GALK2: variants seen among roughly 807,000 people sequenced by gnomAD.
GALK2 encodes N-acetylgalactosamine kinase.
Under a neutral mutation model 52.4 loss-of-function variants are expected in GALK2, and 36 were observed. The observed-to-expected ratio is 0.69, with a 90% CI of 0.53 to 0.91. The LOEUF is 0.91. Ranked by LOEUF, GALK2 falls within the 40% of genes least tolerant of loss-of-function variation. The probability of loss-of-function intolerance (pLI) is 0.00; values close to 1 mark genes in which losing one functional copy is unlikely to be tolerated. For missense variants in GALK2, 579 were observed against 559.1 expected (o/e 1.04, Z -0.36); for synonymous variants, 176 against 199.1 (o/e 0.88, Z 0.98).
At chr15:49,201,304 A>C in intron 2 of GALK2, 54 bp downstream of exon 2, 1 of 893,122 alleles carries the variant, frequency 1.1e-6, no homozygotes, top group Non-Finnish European at 1.8e-6. Context: ...GATAAGATCT[A>C]AATTTTTAAA....
intron 1 of GALK2, among the ~76,000 whole-genome samples, chr15:49,183,914 T>C (rs1172536883): frequency 6.6e-6 from 1 of 152,030 alleles, no homozygotes; most frequent in Non-Finnish European, 1.5e-5. Context: ...ATGAACCATG[T>C]GCTGAGGAGA....
chr15:49,330,435 A>T lies in GALK2; in HGVS notation c.*2276A>T, dbSNP rs1262319142. 6.6e-6 allele frequency: 1 copy of T among 152,228 alleles called. No homozygotes were observed. 9.4% of individuals were successfully genotyped at this position (152,228 alleles called of 1,614,324 possible). On this transcript the variant is annotated 3_prime_UTR_variant, in exon 10 of 10. Transcript: ENST00000560031. ...CAGGAGATTGTACAAGCAGTATCAGATATTCTGGATTACTCAGAATCTGGA... is the reference window on the plus strand; with the variant it reads ...CAGGAGATTGTACAAGCAGTATCAGTTATTCTGGATTACTCAGAATCTGGA...
chr15:49,164,695 C>T (rs989805131), intron 1 of GALK2, among the ~76,000 whole-genome samples: 8 of 137,332 alleles, frequency 5.8e-5, no homozygotes, highest in South Asian at 2.4e-4. Context: ...GCAGGAGAAT[C>T]GCTTGAACCC....
chr15:49,177,211 T>C (rs2085530006), intron 1 of GALK2, among the ~76,000 whole-genome samples: 1 of 152,094 alleles, frequency 6.6e-6, no homozygotes, highest in Non-Finnish European at 1.5e-5. Context: ...TAAATTTTGC[T>C]TTTATCTGTT....
downstream of GALK2, among the ~76,000 whole-genome samples, chr15:49,336,019 T>C (rs1427141893): frequency 1.3e-5 from 2 of 152,140 alleles, no homozygotes; most frequent in Non-Finnish European, 2.9e-5. Context: ...CAGACTGGTC[T>C]TGAACTTCAA....
chr15:49,293,199 C>T (rs2034118056), intron 8 of GALK2, among the ~76,000 whole-genome samples: 1 of 152,162 alleles, frequency 6.6e-6, no homozygotes, highest in African/African-American at 2.4e-5. Context: ...AAACATCAGC[C>T]TCAGGGACCC....
chr15:49,292,228 A>G (rs1035759910), intron 7 of GALK2, 99 bp from the exon 8 acceptor site: 26 of 1,118,470 alleles, frequency 2.3e-5, no homozygotes, highest in Non-Finnish European at 3.0e-5. Context: ...GAAAACAACA[A>G]CAAAACAAAA....
Position 49,192,485 on chromosome 15 carries a change from G to GTATATATATGTATATATATATATATATA in GALK2, c.54-8668_54-8667insGTATATATATATATATATATATATATAT, listed in dbSNP as rs1555400548. Among the ~76,000 whole-genome samples the GTATATATATGTATATATATATATATATA allele has an allele frequency of 6.8e-5, 7 of 102,970 alleles. 1 individual carries two copies. The highest frequency in any genetic ancestry group is 2.1e-4 in the Admixed American group (2 of 9,648). 67.6% of individuals were successfully genotyped at this position (102,970 alleles called of 152,430 possible). ...TCTGCAATGAATATTATATATATAT[G>GTATATATATGTATATATATATATATATA]TATATATATATATATATATATATAT... On this transcript the variant is annotated intron_variant, in intron 1 of 9. Coordinates refer to ENST00000560031, the MANE Select transcript of GALK2 (RefSeq NM_002044.4).
At chr15:49,246,968 G>A (rs761348357) in intron 5 of GALK2, among the ~76,000 whole-genome samples, 5 of 152,086 alleles carry the variant, frequency 3.3e-5, no homozygotes, top group Admixed American at 6.6e-5. Flanking sequence ...CAGAAGTGAT[G>A]GTATGAGAAA....
intron 4 of GALK2, among the ~76,000 whole-genome samples, chr15:49,238,738 G>A (rs566806802): frequency 6.6e-6 from 1 of 152,036 alleles, no homozygotes; most frequent in Non-Finnish European, 1.5e-5. Context: ...TCTAAAGTAA[G>A]GCACTCCTTA....
intron 1 of GALK2, among the ~76,000 whole-genome samples, chr15:49,160,267 T>G (rs1380215916): frequency 6.6e-6 from 1 of 151,234 alleles, no homozygotes. Flanking sequence ...AGAGTGAGAG[T>G]TTGTCTCAAA....
chr15:49,226,962 A>C (rs1335266628), intron 3 of GALK2, among the ~76,000 whole-genome samples: 1 of 152,168 alleles, frequency 6.6e-6, no homozygotes, highest in Non-Finnish European at 1.5e-5. Flanking sequence ...CACACTGTCT[A>C]GTTTTATTCT....
At position 49,192,485 on chromosome 15, in the gene GALK2, G is replaced by GTATATATATA. The variant is rs58230206; in HGVS notation, c.54-8646_54-8637dup. On this transcript the variant is annotated intron_variant, in intron 1 of 9. Coordinates refer to ENST00000560031, the MANE Select transcript of GALK2 (RefSeq NM_002044.4). The stretch of plus-strand genomic sequence containing the variant: ...TCTGCAATGAATATTATATATATAT[G>GTATATATATA]TATATATATATATATATATATATAT... Among the ~76,000 whole-genome samples the GTATATATATA allele has an allele frequency of 3.3e-3, 342 of 102,912 alleles. 14 individuals carry two copies. Among genetic ancestry groups the GTATATATATA allele is most frequent in the Middle Eastern group, 0.01 (2 of 196 alleles). 67.5% of individuals were successfully genotyped at this position (102,912 alleles called of 152,430 possible).
intron 7 of GALK2, among the ~76,000 whole-genome samples, chr15:49,291,885 T>C (rs960225413): frequency 6.6e-6 from 1 of 152,194 alleles, no homozygotes; most frequent in Non-Finnish European, 1.5e-5. Flanking sequence ...AAACAGGAAG[T>C]ACCCTAATTG....
chr15:49,182,525 C>G (rs935401941), intron 1 of GALK2, among the ~76,000 whole-genome samples: 1 of 152,082 alleles, frequency 6.6e-6, no homozygotes, highest in African/African-American at 2.4e-5. Context: ...ATTCCTGGAT[C>G]ATAAGGTAGT....
intron 8 of GALK2, among the ~76,000 whole-genome samples, chr15:49,316,333 G>GA: frequency 1.2e-5 from 1 of 83,096 alleles, no homozygotes; most frequent in South Asian, 4.1e-4. Flanking sequence ...TGCTGTGGAG[G>GA]GGAAAAATGA....
At chr15:49,333,055 G>A (rs2039078071), downstream of GALK2, among the ~76,000 whole-genome samples, 1 of 151,978 alleles carries the variant, frequency 6.6e-6, no homozygotes, top group Admixed American at 6.5e-5. Flanking sequence ...TCCTTGAACT[G>A]CACAGTATCC....
At chr15:49,279,345 CTT>C (rs1284706126) in intron 5 of GALK2, among the ~76,000 whole-genome samples, 1 of 152,148 alleles carries the variant, frequency 6.6e-6, no homozygotes, top group Non-Finnish European at 1.5e-5. Flanking sequence ...GTTTTTTCCT[CTT>C]AAGAGGGAGG....
chr15:49,184,622 G>C (rs1001771613), intron 1 of GALK2, among the ~76,000 whole-genome samples: 1 of 151,916 alleles, frequency 6.6e-6, no homozygotes, highest in East Asian at 1.9e-4. Context: ...TATTTTTTGT[G>C]TATCTGTTTT....
Sources: allele counts gnomAD v4.1 joint callset (sites outside exome capture counted in the v4.1 genomes callset), GRCh38; gene constraint gnomAD v4.1.1; transcripts MANE v1.5; gene names NCBI Gene and HGNC (gene_info 2026-07-23, HGNC 2026-07-21).